Variants in ADGRB3 observed in about 807,000 individuals in gnomAD.
The protein encoded by ADGRB3 is adhesion G protein-coupled receptor B3.
Under a neutral mutation model 193.4 loss-of-function variants are expected in ADGRB3, and 37 were observed. That is an observed-to-expected ratio of 0.19 (90% CI 0.15 to 0.25). The LOEUF is 0.25. Ranked by LOEUF, ADGRB3 falls within the 10% of genes least tolerant of loss-of-function variation. The pLI, the probability that ADGRB3 is intolerant of heterozygous loss-of-function variation, is 1.00. For synonymous variants in ADGRB3, 690 were observed against 644.2 expected (o/e 1.07, Z -1.08); for missense variants, 1,637 against 1,852.9 (o/e 0.88, Z 2.14).
At chr6:68,705,566 A>G (rs537008380) in intron 3 of ADGRB3, among the ~76,000 whole-genome samples, 1 of 152,276 alleles carries the variant, frequency 6.6e-6, no homozygotes, top group African/African-American at 2.4e-5. Context: ...AGTGCCCCCG[A>G]CCACACACCT....
chr6:69,376,252 G>T (rs987452219), intron 30 of ADGRB3, among the ~76,000 whole-genome samples: 1 of 151,444 alleles, frequency 6.6e-6, no homozygotes, highest in Admixed American at 6.6e-5. Context: ...ACCATGCTTG[G>T]CTTACTTATA....
At chr6:68,823,941 T>C (rs1767793121) in intron 3 of ADGRB3, among the ~76,000 whole-genome samples, 1 of 152,186 alleles carries the variant, frequency 6.6e-6, no homozygotes, top group Non-Finnish European at 1.5e-5. Flanking sequence ...TTCTGAGAAC[T>C]TCAGTTTTTA....
At chr6:68,926,648 G>A (rs1254570409) in intron 3 of ADGRB3, among the ~76,000 whole-genome samples, 2 of 152,080 alleles carry the variant, frequency 1.3e-5, no homozygotes, top group Non-Finnish European at 2.9e-5. Context: ...TATTTCCATT[G>A]CTAGATAGAT....
chr6:68,684,377 C>G (rs1004584587), intron 3 of ADGRB3, among the ~76,000 whole-genome samples: 2 of 152,144 alleles, frequency 1.3e-5, no homozygotes, highest in African/African-American at 4.8e-5. Context: ...ACAGTTTAAA[C>G]TATACTTTTT....
At chr6:69,373,792 G>T (rs1255489615) in intron 30 of ADGRB3, among the ~76,000 whole-genome samples, 1 of 151,970 alleles carries the variant, frequency 6.6e-6, no homozygotes, top group African/African-American at 2.4e-5. Flanking sequence ...AAAGGAGGAA[G>T]GAATTAACCC....
At position 69,354,311 on chromosome 6, in the gene ADGRB3, G is replaced by A; in HGVS notation, c.3538G>A (p.Gly1180Arg). The change falls in exon 27 of 32, where the codon GGG becomes AGG. Residue 1180 changes from glycine (G) to arginine (R), a missense_variant. Transcript: ENST00000370598. ...AGATTCTTCGAGTTCGTTTCCTAATGGGCATGCTCAAATCATGGTGAGTTT... is the reference window on the plus strand; with the variant it reads ...AGATTCTTCGAGTTCGTTTCCTAATAGGCATGCTCAAATCATGGTGAGTTT... ...NADSSSSFPN[G>R]HAQIMTDFEK... The A allele has an allele frequency of 6.2e-7, 1 of 1,613,234 alleles. No individual in the cohort carries two copies. The highest frequency in any genetic ancestry group is 8.5e-7 in the Non-Finnish European group (1 of 1,179,288).
intron 16 of ADGRB3, among the ~76,000 whole-genome samples, chr6:69,066,076 G>A (rs1771895618): frequency 6.6e-6 from 1 of 151,690 alleles, no homozygotes; most frequent in Non-Finnish European, 1.5e-5. Flanking sequence ...TTTGGTATCT[G>A]CAAGGGGTTC....
chr6:68,780,950 T>C (rs544472664), intron 3 of ADGRB3, among the ~76,000 whole-genome samples: 38 of 152,286 alleles, frequency 2.5e-4, no homozygotes, highest in Admixed American at 6.6e-4. Flanking sequence ...TTTTATTCTG[T>C]TTTAGATAGC....
At chr6:68,717,544 G>A (rs1022807882) in intron 3 of ADGRB3, among the ~76,000 whole-genome samples, 3 of 151,560 alleles carry the variant, frequency 2.0e-5, no homozygotes, top group African/African-American at 7.3e-5. Context: ...AGGGAAAAGT[G>A]ATTCTACTTA....
chr6:69,046,013 A>G (rs1771226293), intron 13 of ADGRB3, among the ~76,000 whole-genome samples: 1 of 152,178 alleles, frequency 6.6e-6, no homozygotes, highest in African/African-American at 2.4e-5. Flanking sequence ...GTACAACTAT[A>G]TCAATTTATG....
At chr6:68,662,994 T>C (rs529730231) in intron 3 of ADGRB3, among the ~76,000 whole-genome samples, 2 of 151,256 alleles carry the variant, frequency 1.3e-5, no homozygotes, top group Admixed American at 6.6e-5. Context: ...ATAATAACTT[T>C]CTAGTAAACC....
chr6:68,715,475 A>G (rs1190828192), intron 3 of ADGRB3, among the ~76,000 whole-genome samples: 1 of 151,732 alleles, frequency 6.6e-6, no homozygotes, highest in African/African-American at 2.4e-5. Context: ...AGAGGAATGG[A>G]GAAGGGCATG....
chr6:69,333,002 G>C lies in ADGRB3; in HGVS notation c.3182G>C (p.Arg1061Thr). 1 of 1,613,668 alleles carries C rather than the reference G, an allele frequency of 6.2e-7. No homozygotes were observed. The highest frequency in any genetic ancestry group is 8.5e-7 in the Non-Finnish European group (1 of 1,179,818). ...DGILDKKLKHRAGQMSEPHSG... is the reference protein window; with the variant it reads ...DGILDKKLKHTAGQMSEPHSG... ...ATCCTAGATAAAAAGCTCAAACACA[G>C]AGCCGGGTAAGCTGCAATTGGTGGA... Residue 1061 changes from arginine (R) to threonine (T), a missense_variant, in exon 24 of 32, where the codon AGA (arginine) becomes ACA (threonine). By Grantham distance (71) the Arg-to-Thr change is moderately conservative. Coordinates refer to ENST00000370598, the MANE Select transcript of ADGRB3 (RefSeq NM_001704.3).
chr6:69,324,018 T>C (rs764865446), intron 20 of ADGRB3, among the ~76,000 whole-genome samples: 3 of 152,092 alleles, frequency 2.0e-5, no homozygotes, highest in Non-Finnish European at 4.4e-5. Context: ...GTCCTGTTGT[T>C]GGTTCTGGTT....
intron 20 of ADGRB3, among the ~76,000 whole-genome samples, chr6:69,259,381 G>A (rs538044369): frequency 7.9e-5 from 12 of 152,246 alleles, no homozygotes; most frequent in Admixed American, 1.3e-4. Context: ...TCAATAACAC[G>A]TAGTTAGTTT....
At chr6:69,103,322 A>G (rs908232304) in intron 17 of ADGRB3, among the ~76,000 whole-genome samples, 2 of 152,220 alleles carry the variant, frequency 1.3e-5, no homozygotes, top group African/African-American at 4.8e-5. Context: ...ATGTCAATAT[A>G]TAAAGAGAAG....
At chr6:69,233,761 G>T (rs1228688293) in intron 18 of ADGRB3, among the ~76,000 whole-genome samples, 1 of 151,950 alleles carries the variant, frequency 6.6e-6, no homozygotes, top group African/African-American at 2.4e-5. Flanking sequence ...AATTTTAGAG[G>T]GTATTGTTAG....
intron 17 of ADGRB3, among the ~76,000 whole-genome samples, chr6:69,083,545 C>T (rs9454687): frequency 0.68 from 102,859 of 151,932 alleles, 35,769 homozygotes; most frequent in East Asian, 0.96. Context: ...GATAGATATA[C>T]AAATTATGTA....
chr6:68,686,330 G>T (rs1319812682), intron 3 of ADGRB3, among the ~76,000 whole-genome samples: 1 of 152,024 alleles, frequency 6.6e-6, no homozygotes, highest in Non-Finnish European at 1.5e-5. Context: ...ATGACAAAAT[G>T]CCTTGACCAT....
Sources: allele counts gnomAD v4.1 joint callset (sites outside exome capture counted in the v4.1 genomes callset), GRCh38; gene constraint gnomAD v4.1.1; transcripts MANE v1.5; gene names NCBI Gene and HGNC (gene_info 2026-07-23, HGNC 2026-07-21).